UEVLD: variants seen among roughly 807,000 people sequenced by gnomAD.
The protein encoded by UEVLD is UEV and lactate/malate dehyrogenase domains, also known as ubiquitin-conjugating enzyme E2 variant 3.
In UEVLD, 47 loss-of-function variants were observed where a neutral mutation model predicts 58.6. The ratio of observed to expected loss-of-function variants is 0.80; its 90% CI spans 0.63 to 1.02. The LOEUF (loss-of-function observed/expected upper bound fraction) is 1.02. Ranked by LOEUF, UEVLD falls within the 50% of genes least tolerant of loss-of-function variation. UEVLD has a pLI of 0.00. For missense variants in UEVLD, 510 were observed against 550.6 expected (o/e 0.93, Z 0.74); for synonymous variants, 197 against 195.3 (o/e 1.01, Z -0.07).
At chr11:18,564,380 T>C (rs1340305157) in intron 6 of UEVLD, among the ~76,000 whole-genome samples, 1 of 152,074 alleles carries the variant, frequency 6.6e-6, no homozygotes, top group African/African-American at 2.4e-5. Flanking sequence ...CTTTTGAACC[T>C]CTCTGGAAGG....
chr11:18,575,930 G>C (rs1307913252), intron 2 of UEVLD, among the ~76,000 whole-genome samples: 1 of 152,188 alleles, frequency 6.6e-6, no homozygotes, highest in African/African-American at 2.4e-5. Context: ...AGAAGCCAGA[G>C]TGATCGACGG....
At chr11:18,555,351 G>A (rs901951241) in intron 7 of UEVLD, among the ~76,000 whole-genome samples, 4 of 151,886 alleles carry the variant, frequency 2.6e-5, no homozygotes, top group South Asian at 4.2e-4. Context: ...GTGTGAACCC[G>A]GGAGGTGGAG....
At position 18,568,454 on chromosome 11, in the gene UEVLD, C is replaced by T. The variant is rs577868792; in HGVS notation, c.357+1760G>A. On this transcript the variant is annotated intron_variant, in intron 4 of 11. Coordinates refer to ENST00000396197, the MANE Select transcript of UEVLD (RefSeq NM_001040697.4). ...AACAGACAATTCAAAAAGGAAGAAACGTACGATTGATAAGTAAATGAAAAT... is the reference window on the plus strand; with the variant it reads ...AACAGACAATTCAAAAAGGAAGAAATGTACGATTGATAAGTAAATGAAAAT... Among the ~76,000 whole-genome samples the T allele has an allele frequency of 1.5e-4, 23 of 152,184 alleles. No individual in the cohort carries two copies. In the South Asian group the frequency reaches 1.7e-3, roughly 11 times the overall value.
chr11:18,570,565 G>A, intron 3 of UEVLD, 188 bp from the exon 4 acceptor site: 1 of 377,374 alleles, frequency 2.6e-6, no homozygotes, highest in Non-Finnish European at 4.5e-6. Flanking sequence ...AGGCAACATG[G>A]AGGAACCCCA....
intron 1 of UEVLD, among the ~76,000 whole-genome samples, chr11:18,582,553 T>A (rs1387468807): frequency 6.6e-6 from 1 of 152,020 alleles, no homozygotes; most frequent in Admixed American, 6.6e-5. Flanking sequence ...GAGGCTGGCC[T>A]TGAACTCCTG....
Position 18,558,309 on chromosome 11 carries a change from G to C in UEVLD, c.634C>G (p.Leu212Val). The C allele has an allele frequency of 3.7e-6, 6 of 1,612,346 alleles. No individual in the cohort carries two copies. The highest frequency in any genetic ancestry group is 5.1e-6 in the Non-Finnish European group (6 of 1,179,268). The change falls in exon 7 of 12, where the codon CTC becomes GTC. Residue 212 changes from leucine (L) to valine (V), a missense_variant. Coordinates refer to ENST00000396197, the MANE Select transcript of UEVLD (RefSeq NM_001040697.4). ...SAKGIADRLV[L>V]LDLSEGTKGA... ...TTAGTCCCTTCTGAGAGGTCTAAGA[G>C]GACAAGCCTGTCTGCAATACCCTGT...
intron 6 of UEVLD, among the ~76,000 whole-genome samples, chr11:18,564,683 T>C (rs1313183910): frequency 6.6e-6 from 1 of 152,228 alleles, no homozygotes; most frequent in Non-Finnish European, 1.5e-5. Context: ...GATAAGCCCA[T>C]TGTTCAAATC....
intron 10 of UEVLD, among the ~76,000 whole-genome samples, chr11:18,535,382 A>G (rs773105645): frequency 2.6e-4 from 39 of 152,248 alleles, no homozygotes; most frequent in Non-Finnish European, 5.0e-4. Context: ...ATAAGCATAC[A>G]TTCTTTTATA....
chr11:18,552,758 G>A (rs1309288091), intron 7 of UEVLD, among the ~76,000 whole-genome samples: 6 of 151,994 alleles, frequency 3.9e-5, no homozygotes, highest in African/African-American at 1.5e-4. Context: ...CTATTCGGGA[G>A]GCTGGGGCAA....
rs1850487994 is a variant in UEVLD at position 18,529,661 on chromosome 11, A to C, written c.*2659T>G. Reference sequence around the variant, plus strand: ...ATTATTCTTAATATTTAAGGAAAACAATGTAAAATGGGAAAAAATGTATCT... The same window carrying C: ...ATTATTCTTAATATTTAAGGAAAACCATGTAAAATGGGAAAAAATGTATCT... On this transcript the variant is annotated 3_prime_UTR_variant, in exon 12 of 12. Transcript: ENST00000396197. 1 of 152,250 alleles carries C rather than the reference A, an allele frequency of 6.6e-6. No homozygotes were observed. Among genetic ancestry groups the C allele is most frequent in the African/African-American group, 2.4e-5 (1 of 41,464 alleles). 9.4% of individuals were successfully genotyped at this position (152,250 alleles called of 1,614,324 possible). A position where few individuals can be genotyped will look rare whatever the true frequency, so the allele number is the denominator to read the frequency against.
intron 10 of UEVLD, among the ~76,000 whole-genome samples, chr11:18,536,142 G>A (rs998650007): frequency 6.6e-6 from 1 of 152,148 alleles, no homozygotes; most frequent in Non-Finnish European, 1.5e-5. Flanking sequence ...TTTAGGTAGA[G>A]AAGCAGTAAA....
chr11:18,569,164 G>C (rs1852460836), intron 4 of UEVLD, among the ~76,000 whole-genome samples: 1 of 152,102 alleles, frequency 6.6e-6, no homozygotes, highest in South Asian at 2.1e-4. Flanking sequence ...AAAGTGCTGG[G>C]ATTACAGCTG....
At chr11:18,532,768 T>C (rs189016719) in intron 11 of UEVLD, among the ~76,000 whole-genome samples, 1 of 152,204 alleles carries the variant, frequency 6.6e-6, no homozygotes, top group African/African-American at 2.4e-5. Context: ...CCCTGCAATA[T>C]GGGTAGGAGG....
chr11:18,576,986 C>A (rs1157915797), intron 2 of UEVLD, among the ~76,000 whole-genome samples: 1 of 152,162 alleles, frequency 6.6e-6, no homozygotes, highest in South Asian at 2.1e-4. Flanking sequence ...AGTTCAAGAC[C>A]AGCCTGGCCA....
At chr11:18,537,790 C>G (rs1288881064) in intron 9 of UEVLD, among the ~76,000 whole-genome samples, 1 of 151,264 alleles carries the variant, frequency 6.6e-6, no homozygotes, top group Non-Finnish European at 1.5e-5. Context: ...AGCCTCCCAA[C>G]TAGCTGGGAT....
intron 9 of UEVLD, chr11:18,536,803 A>G: frequency 4.9e-6 from 1 of 205,980 alleles, no homozygotes; most frequent in Non-Finnish European, 9.8e-6. Context: ...TGAGAAATGC[A>G]CTGAGACTAA....
At chr11:18,576,742 A>T (rs1049507846) in intron 2 of UEVLD, among the ~76,000 whole-genome samples, 3 of 152,002 alleles carry the variant, frequency 2.0e-5, no homozygotes, top group South Asian at 4.2e-4. Context: ...CCGGGAAGTG[A>T]CCTAGAGCAA....
At chr11:18,572,712 G>A (rs1385956095) in intron 3 of UEVLD, among the ~76,000 whole-genome samples, 4 of 151,286 alleles carry the variant, frequency 2.6e-5, no homozygotes, top group African/African-American at 9.7e-5. Flanking sequence ...ACTGAGGCAG[G>A]AGAATTGCTT....
At chr11:18,564,688 C>T (rs1406396095) in intron 6 of UEVLD, among the ~76,000 whole-genome samples, 1 of 152,124 alleles carries the variant, frequency 6.6e-6, no homozygotes, top group East Asian at 1.9e-4. Context: ...GCCCATTGTT[C>T]AAATCACTTT....
Sources: gnomAD v4.1 joint callset for allele counts (sites outside exome capture counted in the v4.1 genomes callset) on GRCh38, gnomAD v4.1.1 for gene constraint, MANE v1.5 for transcripts, NCBI Gene and HGNC (gene_info 2026-07-23, HGNC 2026-07-21) for gene names.